Variants in COL5A2 observed in about 807,000 individuals in gnomAD.
COL5A2 encodes the protein collagen type V alpha 2 chain.
In COL5A2, 23 loss-of-function variants were observed where a neutral mutation model predicts 208.2. The observed-to-expected ratio is 0.11, with a 90% CI of 0.08 to 0.16. The LOEUF is 0.16. Among genes scored for constraint, COL5A2 ranks in the 10% least tolerant of loss-of-function variants. The pLI is 1.00. For synonymous variants in COL5A2, 625 were observed against 628.5 expected (o/e 0.99, Z 0.08); for missense variants, 1,590 against 1,956.4 (o/e 0.81, Z 3.53).
the COL5A2 span, among the ~76,000 whole-genome samples, chr2:189,396,990 CAA>C: frequency 0.012 from 1,170 of 95,770 alleles, 6 homozygotes; most frequent in Non-Finnish European, 0.019. Flanking sequence ...GACTCCGTCT[CAA>C]AAAAAAAAAA....
the COL5A2 span, among the ~76,000 whole-genome samples, chr2:189,281,092 C>G: frequency 0.58 from 88,405 of 151,780 alleles, 27,053 homozygotes; most frequent in East Asian, 0.72. Flanking sequence ...GCATTATTTA[C>G]CATAAATTTG....
At chr2:189,141,447 C>G (rs1049344276) in intron 1 of COL5A2, among the ~76,000 whole-genome samples, 1 of 152,046 alleles carries the variant, frequency 6.6e-6, no homozygotes, top group Non-Finnish European at 1.5e-5. Flanking sequence ...GTTTTCAGAG[C>G]CTTATCTTTG....
chr2:189,313,256 T>A, the COL5A2 span, among the ~76,000 whole-genome samples: 1 of 152,118 alleles, frequency 6.6e-6, no homozygotes, highest in Non-Finnish European at 1.5e-5. Context: ...TTACAAGAGA[T>A]GGGAAGAATG....
At chr2:189,271,448 T>G in the COL5A2 span, among the ~76,000 whole-genome samples, 1 of 152,174 alleles carries the variant, frequency 6.6e-6, no homozygotes, top group South Asian at 2.1e-4. Flanking sequence ...GAAAACTGGC[T>G]AGCCATATGC....
intron 1 of COL5A2, among the ~76,000 whole-genome samples, chr2:189,214,478 TATAGGGAA>T (rs2105871489): frequency 6.6e-6 from 1 of 152,242 alleles, no homozygotes; most frequent in Admixed American, 6.5e-5. Context: ...CATACATACA[TATAGGGAA>T]AATTCCAAGA....
the COL5A2 span, among the ~76,000 whole-genome samples, chr2:189,417,149 A>G: frequency 6.6e-6 from 1 of 152,076 alleles, no homozygotes; most frequent in African/African-American, 2.4e-5. Flanking sequence ...AAAATTTCCA[A>G]TTGTTTTGAT....
intron 1 of COL5A2, among the ~76,000 whole-genome samples, chr2:189,128,811 CTA>C (rs1255283390): frequency 6.6e-6 from 1 of 151,970 alleles, no homozygotes; most frequent in East Asian, 1.9e-4. Context: ...TTAGAGAAGA[CTA>C]TATCTTCTGC....
intron 1 of COL5A2, among the ~76,000 whole-genome samples, chr2:189,170,404 A>G (rs981741919): frequency 4.6e-5 from 7 of 152,220 alleles, no homozygotes; most frequent in Non-Finnish European, 8.8e-5. Flanking sequence ...GTTAGCACAA[A>G]CACACTTGCA....
chr2:189,378,463 G>A, the COL5A2 span, among the ~76,000 whole-genome samples: 5 of 152,140 alleles, frequency 3.3e-5, no homozygotes, highest in Admixed American at 3.3e-4. Flanking sequence ...GGTGGCTCAC[G>A]CCTGTAATCC....
chr2:189,148,216 T>A (rs548224959), intron 1 of COL5A2, among the ~76,000 whole-genome samples: 1 of 152,238 alleles, frequency 6.6e-6, no homozygotes, highest in South Asian at 2.1e-4. Flanking sequence ...TACTTTGAGA[T>A]AGCCAAGCAA....
chr2:189,324,556 C>A, the COL5A2 span, among the ~76,000 whole-genome samples: 1 of 152,138 alleles, frequency 6.6e-6, no homozygotes, highest in South Asian at 2.1e-4. Flanking sequence ...CCAACAGACA[C>A]ATGAAAAAAT....
chr2:189,263,845 C>A, the COL5A2 span, among the ~76,000 whole-genome samples: 157 of 152,216 alleles, frequency 1.0e-3, 1 homozygote, highest in African/African-American at 3.5e-3. Context: ...TAAGTACACT[C>A]TTTGATATTT....
At chr2:189,414,101 A>T in the COL5A2 span, among the ~76,000 whole-genome samples, 1 of 152,112 alleles carries the variant, frequency 6.6e-6, no homozygotes, top group Non-Finnish European at 1.5e-5. Context: ...CTTGTGTGTC[A>T]TATTTTATTG....
At chr2:189,054,087 A>G (rs1434876487) in intron 36 of COL5A2, 72 bp downstream of exon 36, 3 of 1,474,146 alleles carry the variant, frequency 2.0e-6, no homozygotes, top group Non-Finnish European at 2.8e-6. Context: ...TATAAAATGA[A>G]AAGATTTATG....
intron 1 of COL5A2, among the ~76,000 whole-genome samples, chr2:189,215,510 G>T (rs924706293): frequency 1.3e-5 from 2 of 151,544 alleles, no homozygotes; most frequent in South Asian, 4.2e-4. Context: ...TGATATATTG[G>T]ATTAAATAAA....
chr2:189,409,444 A>T, the COL5A2 span, among the ~76,000 whole-genome samples: 1 of 152,050 alleles, frequency 6.6e-6, no homozygotes, highest in Non-Finnish European at 1.5e-5. Flanking sequence ...TTGTTCAATT[A>T]GCATTTTCTA....
the COL5A2 span, among the ~76,000 whole-genome samples, chr2:189,326,421 G>T: frequency 2.0e-5 from 3 of 152,130 alleles, no homozygotes; most frequent in Non-Finnish European, 4.4e-5. Context: ...TAGGTCAGGT[G>T]TAATGGTTCA....
chr2:189,177,712 T>C (rs1372180231), intron 1 of COL5A2, among the ~76,000 whole-genome samples: 2 of 152,184 alleles, frequency 1.3e-5, no homozygotes, highest in Non-Finnish European at 2.9e-5. Flanking sequence ...CTTTTTTGCA[T>C]CAAGCATCAC....
chr2:189,252,470 A>G, the COL5A2 span, among the ~76,000 whole-genome samples: 2 of 152,200 alleles, frequency 1.3e-5, no homozygotes, highest in African/African-American at 2.4e-5. Flanking sequence ...AGGGACATGG[A>G]TGAAGCTGGA....
Sources: gnomAD v4.1 joint callset for allele counts (sites outside exome capture counted in the v4.1 genomes callset) on GRCh38, gnomAD v4.1.1 for gene constraint, MANE v1.5 for transcripts, NCBI Gene and HGNC (gene_info 2026-07-23, HGNC 2026-07-21) for gene names.